The following CSMD1 variants were observed in gnomAD, a reference collection of about 807,000 sequenced individuals.
CSMD1 encodes the protein CUB and sushi domain-containing protein 1.
In CSMD1, 213 loss-of-function variants were observed where a neutral mutation model predicts 417.5. That is an observed-to-expected ratio of 0.51 (90% CI 0.46 to 0.57). The LOEUF (loss-of-function observed/expected upper bound fraction) is 0.57. CSMD1 is among the 20% of genes least tolerant of loss of function. The pLI, the probability that CSMD1 is intolerant of heterozygous loss-of-function variation, is 0.00. For synonymous variants in CSMD1, 2,862 were observed against 1,736.8 expected (o/e 1.65, Z -16.11); for missense variants, 6,923 against 4,529.7 (o/e 1.53, Z -15.17).
Position 2,950,327 on chromosome 8 carries a change from C to T in CSMD1, c.10218G>A (p.Glu3406=). 2.5e-6 allele frequency: 4 copies of T among 1,611,824 alleles called. No individual in the cohort carries two copies. The highest frequency in any genetic ancestry group is 3.4e-6 in the Non-Finnish European group (4 of 1,177,972). Residue 3406 remains glutamate (E), a synonymous_variant, in exon 67 of 70, where the codon GAG becomes GAA. Coordinates refer to ENST00000635120, the MANE Select transcript of CSMD1 (RefSeq NM_033225.6). ...ELKLTGIYKK[E]EAHLLLKAFQ... ...AAGCTTTCAGGAGTAAGTGGGCCTC[C>T]TCCTTCTTGTAAATGCCTGTGAAAA... is the stretch of plus-strand genomic sequence containing the variant.
intron 3 of CSMD1, among the ~76,000 whole-genome samples, chr8:4,156,291 T>C (rs1796830597): frequency 6.6e-6 from 1 of 152,132 alleles, no homozygotes; most frequent in Admixed American, 6.5e-5. Context: ...GGGTTGAAAA[T>C]GCTTTCTCCT....
At chr8:3,685,935 A>T (rs544819901) in intron 7 of CSMD1, among the ~76,000 whole-genome samples, 1 of 152,092 alleles carries the variant, frequency 6.6e-6, no homozygotes, top group East Asian at 1.9e-4. Flanking sequence ...GTTATTTTTA[A>T]AAGTACAATT....
intron 12 of CSMD1, among the ~76,000 whole-genome samples, chr8:3,410,841 T>A (rs887758928): frequency 6.6e-6 from 1 of 151,970 alleles, no homozygotes; most frequent in African/African-American, 2.4e-5. Context: ...GGGGCTCGAG[T>A]GATCCTCCCA....
intron 1 of CSMD1, among the ~76,000 whole-genome samples, chr8:4,879,027 T>C (rs1276630180): frequency 1.3e-5 from 2 of 151,758 alleles, no homozygotes; most frequent in Admixed American, 6.6e-5. Flanking sequence ...ATATTTGGGG[T>C]TTGAGAAAAG....
intron 3 of CSMD1, among the ~76,000 whole-genome samples, chr8:4,337,897 A>C (rs911287091): frequency 6.6e-6 from 1 of 152,160 alleles, no homozygotes; most frequent in Non-Finnish European, 1.5e-5. Flanking sequence ...CTTAAGACAA[A>C]ATGACCCCAT....
At chr8:3,956,543 C>G (rs936134161) in intron 5 of CSMD1, among the ~76,000 whole-genome samples, 1 of 152,180 alleles carries the variant, frequency 6.6e-6, no homozygotes, top group Non-Finnish European at 1.5e-5. Flanking sequence ...ATAATGGCTA[C>G]TTTTTATCAA....
chr8:4,268,091 G>C (rs1291900427), intron 3 of CSMD1, among the ~76,000 whole-genome samples: 4 of 152,060 alleles, frequency 2.6e-5, no homozygotes. Flanking sequence ...TTGAAACATT[G>C]TTACAAAAAA....
At chr8:3,806,763 C>T (rs1585027491) in intron 5 of CSMD1, among the ~76,000 whole-genome samples, 1 of 152,212 alleles carries the variant, frequency 6.6e-6, no homozygotes, top group East Asian at 1.9e-4. Context: ...ACAAGTAATG[C>T]AAAATGTTAG....
At chr8:3,691,877 A>G (rs928502337) in intron 7 of CSMD1, among the ~76,000 whole-genome samples, 1 of 152,208 alleles carries the variant, frequency 6.6e-6, no homozygotes, top group Non-Finnish European at 1.5e-5. Context: ...ATTTGAATCT[A>G]TGACTTCTAT....
At chr8:4,081,613 T>G (rs560579791) in intron 3 of CSMD1, among the ~76,000 whole-genome samples, 14 of 152,224 alleles carry the variant, frequency 9.2e-5, no homozygotes, top group African/African-American at 2.9e-4. Context: ...TACATAAATT[T>G]TTTGAAGGAC....
intron 4 of CSMD1, among the ~76,000 whole-genome samples, chr8:4,029,387 C>G (rs1416256375): frequency 1.3e-5 from 2 of 152,170 alleles, no homozygotes; most frequent in African/African-American, 2.4e-5. Context: ...CTGGGGAAGC[C>G]TCACAATCAT....
At chr8:4,869,321 G>A (rs1011264627) in intron 1 of CSMD1, among the ~76,000 whole-genome samples, 4 of 151,980 alleles carry the variant, frequency 2.6e-5, no homozygotes, top group Non-Finnish European at 5.9e-5. Flanking sequence ...TGGAGGAGTT[G>A]TGTCTGTAGG....
In CSMD1 at chr8:3,062,089, T is replaced by C. The variant is rs541117434; in HGVS notation, c.7475-9442A>G. On this transcript the variant is annotated intron_variant, in intron 49 of 69. Transcript: ENST00000635120. ...TCACTTAGAAATACATTTTCAAATATGATTCTGAAAATACAAAGGCCACAT... is the reference window on the plus strand; with the variant it reads ...TCACTTAGAAATACATTTTCAAATACGATTCTGAAAATACAAAGGCCACAT... 3.9e-5 allele frequency among the ~76,000 whole-genome samples: 6 copies of C among 152,348 alleles called. No individual in the cohort carries two copies. The South Asian group carries it at 1.0e-3, about 26-fold the overall frequency.
intron 5 of CSMD1, among the ~76,000 whole-genome samples, chr8:3,936,473 C>G (rs916749122): frequency 1.3e-5 from 2 of 152,148 alleles, no homozygotes; most frequent in African/African-American, 2.4e-5. Flanking sequence ...TAAGTTGAAG[C>G]CAGTGCTCAT....
At chr8:3,935,182 G>A (rs564156576) in intron 5 of CSMD1, among the ~76,000 whole-genome samples, 1 of 152,104 alleles carries the variant, frequency 6.6e-6, no homozygotes, top group Non-Finnish European at 1.5e-5. Flanking sequence ...TCGTCTCCAA[G>A]AAAGTTCTTA....
chr8:4,930,082 G>C (rs183345993), intron 1 of CSMD1, among the ~76,000 whole-genome samples: 18 of 152,290 alleles, frequency 1.2e-4, no homozygotes, highest in Admixed American at 4.6e-4. Context: ...AAAAGAGCTT[G>C]TTTCTCGCCC....
At chr8:4,075,366 T>G (rs1799768032) in intron 3 of CSMD1, among the ~76,000 whole-genome samples, 1 of 152,202 alleles carries the variant, frequency 6.6e-6, no homozygotes, top group African/African-American at 2.4e-5. Context: ...TGCTGAATTT[T>G]TTTTTGATGC....
At chr8:4,017,577 A>G (rs1796583821) in intron 4 of CSMD1, among the ~76,000 whole-genome samples, 1 of 152,176 alleles carries the variant, frequency 6.6e-6, no homozygotes, top group African/African-American at 2.4e-5. Context: ...AAGTGCTGGA[A>G]TTACAGGCGT....
intron 4 of CSMD1, among the ~76,000 whole-genome samples, chr8:3,999,387 G>A (rs965522565): frequency 2.0e-4 from 30 of 152,252 alleles, no homozygotes; most frequent in Admixed American, 1.7e-3. Context: ...GAGAGGAAAT[G>A]ACCTCCTTTT....
Sources: allele counts gnomAD v4.1 joint callset (sites outside exome capture counted in the v4.1 genomes callset), GRCh38; gene constraint gnomAD v4.1.1; transcripts MANE v1.5; gene names NCBI Gene and HGNC (gene_info 2026-07-23, HGNC 2026-07-21).